CNBD1: variants seen among roughly 807,000 people sequenced by gnomAD.
CNBD1 encodes the protein cyclic nucleotide binding domain containing 1.
CNBD1 carries 71 observed loss-of-function variants against 54.4 expected under a neutral mutation model. The observed-to-expected ratio is 1.30, with a 90% CI of 1.08 to 1.59. The LOEUF is 1.59. CNBD1 is among the 40% of genes most tolerant of loss of function. The probability of loss-of-function intolerance (pLI) is 0.00; values close to 1 mark genes in which losing one functional copy is unlikely to be tolerated. For missense variants in CNBD1, 659 were observed against 518.0 expected (o/e 1.27, Z -2.64); for synonymous variants, 182 against 170.7 (o/e 1.07, Z -0.51).
chr8:87,191,763 G>A (rs1217199800), intron 4 of CNBD1, among the ~76,000 whole-genome samples: 1 of 152,188 alleles, frequency 6.6e-6, no homozygotes. Flanking sequence ...ACTGCCCACT[G>A]TGTGGACCCA....
At chr8:86,964,650 G>C (rs1027723442) in intron 4 of CNBD1, among the ~76,000 whole-genome samples, 4 of 152,210 alleles carry the variant, frequency 2.6e-5, no homozygotes, top group Non-Finnish European at 5.9e-5. Flanking sequence ...CCACACATCT[G>C]TTGTAGGAGC....
Position 86,940,132 on chromosome 8 carries a change from C to CTTTTTTTTTTTTTTTTTTTTTT in CNBD1, c.431+397_431+398insTTTTTTTTTTTTTTTTTTTTTT, listed in dbSNP as rs10671983. 1.2e-4 allele frequency among the ~76,000 whole-genome samples: 11 copies of CTTTTTTTTTTTTTTTTTTTTTT among 88,732 alleles called. 2 individuals carry two copies. Among genetic ancestry groups the CTTTTTTTTTTTTTTTTTTTTTT allele is most frequent in the African/African-American group, 5.0e-4 (11 of 21,932 alleles). The allele number at this position is 88,732 out of a possible 152,430, so 58.2% of individuals were successfully genotyped here. A position where few individuals can be genotyped will look rare whatever the true frequency, so the allele number is the denominator to read the frequency against. On this transcript the variant is annotated intron_variant, in intron 4 of 10. Transcript: ENST00000518476. The stretch of plus-strand genomic sequence containing the variant: ...CTTTAAATAAACTTACCACATGTTA[C>CTTTTTTTTTTTTTTTTTTTTTT]TTTTTTTTTTTTTTTTTTTGAGACT...
intron 4 of CNBD1, among the ~76,000 whole-genome samples, chr8:87,047,367 G>A (rs971867333): frequency 5.3e-5 from 8 of 152,122 alleles, no homozygotes; most frequent in African/African-American, 1.9e-4. Context: ...ATGAGTTAAG[G>A]ATCATCAAGA....
chr8:87,156,064 CAGTA>C (rs1812727609), intron 4 of CNBD1, among the ~76,000 whole-genome samples: 1 of 151,516 alleles, frequency 6.6e-6, no homozygotes, highest in African/African-American at 2.4e-5. Context: ...AAGAAATAAA[CAGTA>C]AGAAAAGAAA....
chr8:87,383,991 C>T (rs542105402), downstream of CNBD1, among the ~76,000 whole-genome samples: 2 of 152,034 alleles, frequency 1.3e-5, no homozygotes, highest in African/African-American at 4.8e-5. Context: ...GATTACAAGA[C>T]ATTAGTATTT....
At chr8:86,882,925 A>G (rs1489099984) in intron 1 of CNBD1, among the ~76,000 whole-genome samples, 1 of 152,206 alleles carries the variant, frequency 6.6e-6, no homozygotes, top group African/African-American at 2.4e-5. Context: ...CAGGAACAGA[A>G]CACCAAATAC....
chr8:86,951,766 A>G (rs1807631650), intron 4 of CNBD1, among the ~76,000 whole-genome samples: 1 of 151,750 alleles, frequency 6.6e-6, no homozygotes, highest in African/African-American at 2.4e-5. Context: ...TTAATCATTT[A>G]TTAGCTATTT....
chr8:87,268,110 A>C (rs1227018828), intron 6 of CNBD1, among the ~76,000 whole-genome samples: 1 of 151,796 alleles, frequency 6.6e-6, no homozygotes, highest in African/African-American at 2.4e-5. Flanking sequence ...CCCTCCTCCT[A>C]CCCACTCAAG....
At chr8:87,120,091 T>A (rs1019915687) in intron 4 of CNBD1, among the ~76,000 whole-genome samples, 1 of 152,146 alleles carries the variant, frequency 6.6e-6, no homozygotes, top group Admixed American at 6.5e-5. Context: ...GCTGGCCTCA[T>A]AAAATGAGTT....
intron 6 of CNBD1, among the ~76,000 whole-genome samples, chr8:87,261,003 C>T (rs949165061): frequency 3.9e-5 from 6 of 152,028 alleles, no homozygotes; most frequent in African/African-American, 1.4e-4. Context: ...ACACAAAAAT[C>T]CCTGTGAATT....
chr8:86,928,312 G>A lies in CNBD1; in HGVS notation c.273-11284G>A, dbSNP rs754036580. On this transcript the variant is annotated intron_variant, in intron 3 of 10. Coordinates refer to ENST00000518476, the MANE Select transcript of CNBD1 (RefSeq NM_173538.3). ...TTTGTGAAGAGAATTTCGGATTCTC[G>A]ACAAGGCCATGGGCAAGAGAATAGG... 6.6e-5 allele frequency among the ~76,000 whole-genome samples: 10 copies of A among 152,196 alleles called. 1 individual carries two copies. The South Asian group carries it at 1.2e-3, about 19-fold the overall frequency.
chr8:87,077,859 A>T (rs1810907318), intron 4 of CNBD1, among the ~76,000 whole-genome samples: 1 of 152,048 alleles, frequency 6.6e-6, no homozygotes, highest in African/African-American at 2.4e-5. Context: ...GCTATTGTGA[A>T]TAGTGCTGCA....
intron 4 of CNBD1, among the ~76,000 whole-genome samples, chr8:87,142,237 G>C (rs528882147): frequency 6.6e-6 from 1 of 152,232 alleles, no homozygotes; most frequent in East Asian, 1.9e-4. Flanking sequence ...AAGAAAGACT[G>C]CTATTTGGAG....
At chr8:87,278,638 G>A (rs1169727872) in intron 6 of CNBD1, among the ~76,000 whole-genome samples, 63 of 151,648 alleles carry the variant, frequency 4.2e-4, no homozygotes, top group Non-Finnish European at 1.9e-4. Flanking sequence ...TGCAAGCAAA[G>A]TTACAGTAAA....
At chr8:86,982,186 T>C (rs1808502399) in intron 4 of CNBD1, among the ~76,000 whole-genome samples, 1 of 152,340 alleles carries the variant, frequency 6.6e-6, no homozygotes, top group South Asian at 2.1e-4. Flanking sequence ...TATGGGCTTA[T>C]TTGCCACTTA....
intron 6 of CNBD1, among the ~76,000 whole-genome samples, chr8:87,247,330 T>C (rs561001886): frequency 3.7e-4 from 56 of 152,322 alleles, no homozygotes; most frequent in South Asian, 6.2e-4. Context: ...CTCCAACTCT[T>C]TTGAAAGCTG....
chr8:87,248,223 T>A (rs1185206490), intron 6 of CNBD1, among the ~76,000 whole-genome samples: 1 of 152,226 alleles, frequency 6.6e-6, no homozygotes, highest in African/African-American at 2.4e-5. Context: ...TCATTAATCC[T>A]CTCTAGCAAT....
chr8:87,308,933 A>G lies in CNBD1; in HGVS notation c.1042+22262A>G, dbSNP rs536718099. 7.4e-4 allele frequency among the ~76,000 whole-genome samples: 112 copies of G among 152,224 alleles called. 1 individual carries two copies. Among genetic ancestry groups the G allele is most frequent in the African/African-American group, 2.6e-3 (108 of 41,558 alleles). ...ATATGACAGCATTTAGTTATTTTTT[A>G]TACCTCAATCGTATTCTATTATGTA... On this transcript the variant is annotated intron_variant, in intron 8 of 10. Coordinates refer to ENST00000518476, the MANE Select transcript of CNBD1 (RefSeq NM_173538.3).
intron 8 of CNBD1, among the ~76,000 whole-genome samples, chr8:87,351,412 C>A (rs1810289213): frequency 6.6e-6 from 1 of 152,202 alleles, no homozygotes; most frequent in Non-Finnish European, 1.5e-5. Flanking sequence ...ATTCCCCTTT[C>A]CTTCCTGCAT....
Sources: gnomAD v4.1 joint callset for allele counts (sites outside exome capture counted in the v4.1 genomes callset) on GRCh38, gnomAD v4.1.1 for gene constraint, MANE v1.5 for transcripts, NCBI Gene and HGNC (gene_info 2026-07-23, HGNC 2026-07-21) for gene names.